Variants in SYT14 observed in about 807,000 individuals in gnomAD.
SYT14 encodes synaptotagmin 14, also known as synaptotagmin-14.
Under a neutral mutation model 74.2 loss-of-function variants are expected in SYT14, and 32 were observed. The observed-to-expected ratio is 0.43, with a 90% CI of 0.33 to 0.58. The LOEUF (loss-of-function observed/expected upper bound fraction) is 0.58, where lower values mean the gene tolerates loss of function less well. Ranked by LOEUF, SYT14 falls within the 20% of genes least tolerant of loss-of-function variation. The pLI is 0.05. For missense variants in SYT14, 791 were observed against 981.8 expected (o/e 0.81, Z 2.60); for synonymous variants, 298 against 337.7 (o/e 0.88, Z 1.29).
At chr1:210,164,617 A>T (rs1212849216) in exon 10 of SYT14, 1 of 152,536 alleles carries the variant, frequency 6.6e-6, no homozygotes, top group African/African-American at 2.4e-5. Flanking sequence ...TAAATTTTTG[A>T]TGGAGTAAGA....
At chr1:210,162,480 CTAATA>C (rs928149610) in exon 10 of SYT14, 3 of 342,538 alleles carry the variant, frequency 8.8e-6, no homozygotes, top group African/African-American at 6.6e-5. Context: ...TGCTTCTTAC[CTAATA>C]TATCATTTTA....
At chr1:210,062,501 C>G (rs781435520) in intron 5 of SYT14, among the ~76,000 whole-genome samples, 13 of 151,812 alleles carry the variant, frequency 8.6e-5, no homozygotes, top group Non-Finnish European at 1.5e-4. Context: ...TAGTTGATTG[C>G]TCAGCCATGC....
rs182286954 is a variant in SYT14, at chr1:210,112,020, A to T, written c.2034+11559A>T. On this transcript the variant is annotated intron_variant, in intron 7 of 9. Coordinates refer to ENST00000637265, the Ensembl canonical transcript of SYT14. The stretch of plus-strand genomic sequence containing the variant: ...CCAAGAGCCTGAGAAACTGCTTGGG[A>T]GATTTGACTAGTAAAGGCCGGTCCG... Among the ~76,000 whole-genome samples the T allele has an allele frequency of 1.7e-3, 262 of 151,240 alleles. 1 individual carries two copies. The highest frequency in any genetic ancestry group is 2.9e-3 in the Non-Finnish European group (194 of 68,002).
chr1:209,965,826 CT>C, intron 2 of SYT14: 1 of 421,018 alleles, frequency 2.4e-6, no homozygotes, highest in Middle Eastern at 5.6e-4. Context: ...TGCCTTTATC[CT>C]TTTGTATCAA....
chr1:210,163,049 G>A (rs1198589755), exon 10 of SYT14: 1 of 453,596 alleles, frequency 2.2e-6, no homozygotes, highest in Middle Eastern at 6.9e-4. Context: ...ATTTTACTGA[G>A]AAATTGGACT....
At chr1:209,951,631 A>G (rs1412704963) in intron 1 of SYT14, among the ~76,000 whole-genome samples, 1 of 152,200 alleles carries the variant, frequency 6.6e-6, no homozygotes, top group East Asian at 1.9e-4. Context: ...CACAGCACAC[A>G]TGTGGGAAAC....
chr1:209,978,401 G>T (rs535642369), intron 2 of SYT14, among the ~76,000 whole-genome samples: 13 of 152,256 alleles, frequency 8.5e-5, no homozygotes, highest in Non-Finnish European at 1.6e-4. Context: ...TGTCCTTTCT[G>T]TTTGTTAGTT....
At chr1:210,054,894 C>CAA (rs2102391879) in intron 5 of SYT14, among the ~76,000 whole-genome samples, 1 of 152,112 alleles carries the variant, frequency 6.6e-6, no homozygotes, top group African/African-American at 2.4e-5. Flanking sequence ...AGTGCTTATC[C>CAA]CTGTTTCCTC....
chr1:210,128,234 G>T (rs1306002177), intron 7 of SYT14, among the ~76,000 whole-genome samples: 1 of 152,002 alleles, frequency 6.6e-6, no homozygotes, highest in Admixed American at 6.6e-5. Flanking sequence ...AAAATTAGTT[G>T]GGCATGGTGA....
At chr1:209,989,817 A>G (rs752406777) in intron 2 of SYT14, among the ~76,000 whole-genome samples, 3 of 152,132 alleles carry the variant, frequency 2.0e-5, no homozygotes, top group Non-Finnish European at 4.4e-5. Flanking sequence ...TAGTGTGTAT[A>G]TATGAAATTT....
chr1:210,134,956 A>G (rs1282059415), intron 7 of SYT14, among the ~76,000 whole-genome samples: 1 of 151,592 alleles, frequency 6.6e-6, no homozygotes, highest in Non-Finnish European at 1.5e-5. Flanking sequence ...TGTGTTCTTA[A>G]TTTTTGTGTT....
intron 2 of SYT14, among the ~76,000 whole-genome samples, chr1:210,010,036 G>C (rs1053273391): frequency 2.2e-4 from 34 of 152,126 alleles, no homozygotes; most frequent in African/African-American, 8.0e-4. Context: ...ACAAAGACTA[G>C]ATTTTACCCT....
At chr1:210,162,760 T>A (rs1341877781) in exon 10 of SYT14, 12 of 445,846 alleles carry the variant, frequency 2.7e-5, no homozygotes, top group Non-Finnish European at 5.3e-5. Context: ...ACCGTGAACT[T>A]CTGTATTTTT....
intron 5 of SYT14, among the ~76,000 whole-genome samples, chr1:210,049,849 G>T (rs2080959099): frequency 6.6e-6 from 1 of 152,178 alleles, no homozygotes; most frequent in Non-Finnish European, 1.5e-5. Flanking sequence ...GTGATGCAGG[G>T]TATTGAGTCC....
At chr1:209,997,243 T>C (rs966492106) in intron 2 of SYT14, among the ~76,000 whole-genome samples, 13 of 152,110 alleles carry the variant, frequency 8.5e-5, no homozygotes, top group African/African-American at 3.1e-4. Context: ...ACCAAAAGGC[T>C]GCAAGAACTG....
intron 2 of SYT14, among the ~76,000 whole-genome samples, chr1:209,993,679 A>G (rs1490585221): frequency 6.6e-6 from 1 of 152,022 alleles, no homozygotes; most frequent in Non-Finnish European, 1.5e-5. Flanking sequence ...ACACCTAACA[A>G]AAGAAACTCA....
intron 5 of SYT14, among the ~76,000 whole-genome samples, chr1:210,028,178 G>A (rs75894915): frequency 0.027 from 4,052 of 149,090 alleles, 192 homozygotes; most frequent in African/African-American, 0.093. Flanking sequence ...TTTTTGTCTC[G>A]CTTATTTTAG....
chr1:210,148,845 G>A (rs1426524180), intron 7 of SYT14, among the ~76,000 whole-genome samples: 3 of 152,022 alleles, frequency 2.0e-5, no homozygotes, highest in Admixed American at 2.0e-4. Context: ...CTTCTCTTTC[G>A]AGGCTTATAT....
chr1:210,051,800 G>A (rs889446457), intron 5 of SYT14, among the ~76,000 whole-genome samples: 6 of 151,994 alleles, frequency 3.9e-5, no homozygotes, highest in African/African-American at 9.7e-5. Flanking sequence ...AGTATCCCAC[G>A]TTCATGAGAA....
Sources: gnomAD v4.1 joint callset for allele counts (sites outside exome capture counted in the v4.1 genomes callset) on GRCh38, gnomAD v4.1.1 for gene constraint, MANE v1.5 for transcripts, NCBI Gene and HGNC (gene_info 2026-07-23, HGNC 2026-07-21) for gene names.